The following ATRNL1 variants were observed in gnomAD, a reference collection of about 807,000 sequenced individuals.
The protein encoded by ATRNL1 is attractin like 1.
A neutral mutation model predicts 182.7 loss-of-function variants in ATRNL1; 95 were observed. The ratio of observed to expected loss-of-function variants is 0.52; its 90% CI spans 0.44 to 0.62. The LOEUF is 0.62. Ranked by LOEUF, ATRNL1 falls within the 20% of genes least tolerant of loss-of-function variation. The pLI, the probability that ATRNL1 is intolerant of heterozygous loss-of-function variation, is 0.00. For missense variants in ATRNL1, 1,471 were observed against 1,679.5 expected, an observed-to-expected ratio of 0.88 and a Z score of 2.17; for synonymous variants, 576 against 568.3, an observed-to-expected ratio of 1.01 and a Z score of -0.19.
chr10:115,318,357 G>A (rs565002010), intron 18 of ATRNL1, among the ~76,000 whole-genome samples: 1 of 151,980 alleles, frequency 6.6e-6, no homozygotes, highest in Non-Finnish European at 1.5e-5. Flanking sequence ...TTCTTTTTTT[G>A]TTGTGTCTCT....
chr10:115,675,586 G>A (rs1248050580), intron 26 of ATRNL1, among the ~76,000 whole-genome samples: 2 of 152,006 alleles, frequency 1.3e-5, no homozygotes, highest in Non-Finnish European at 2.9e-5. Flanking sequence ...CTCTAGGCAT[G>A]CTATCTTCCA....
chr10:115,283,383 C>T (rs1852462100), intron 14 of ATRNL1, among the ~76,000 whole-genome samples: 1 of 152,124 alleles, frequency 6.6e-6, no homozygotes, highest in African/African-American at 2.4e-5. Flanking sequence ...CATTGCACCC[C>T]AGCCTGGGTG....
intron 5 of ATRNL1, among the ~76,000 whole-genome samples, chr10:115,131,552 T>A (rs1256714104): frequency 6.6e-6 from 1 of 152,154 alleles, no homozygotes; most frequent in Non-Finnish European, 1.5e-5. Flanking sequence ...ATGATGTTTT[T>A]ATTTCAGATA....
chr10:115,344,389 G>GAGC (rs1348692669), intron 19 of ATRNL1, among the ~76,000 whole-genome samples: 3 of 152,144 alleles, frequency 2.0e-5, no homozygotes, highest in African/African-American at 7.2e-5. Flanking sequence ...AAAGGCAGAA[G>GAGC]AGCCTCACCT....
At chr10:115,877,757 A>G (rs1441452790) in intron 28 of ATRNL1, among the ~76,000 whole-genome samples, 1 of 152,218 alleles carries the variant, frequency 6.6e-6, no homozygotes, top group Non-Finnish European at 1.5e-5. Flanking sequence ...TATAAATCCT[A>G]TGTTAGTTTA....
intron 27 of ATRNL1, among the ~76,000 whole-genome samples, chr10:115,731,643 A>C (rs1424381981): frequency 6.7e-6 from 1 of 149,054 alleles, no homozygotes; most frequent in Non-Finnish European, 1.5e-5. Context: ...TATTATATTT[A>C]TATTTAATAT....
At chr10:115,204,910 C>T (rs140545861) in intron 8 of ATRNL1, among the ~76,000 whole-genome samples, 160 of 152,062 alleles carry the variant, frequency 1.1e-3, no homozygotes, top group Non-Finnish European at 1.9e-3. Context: ...CCTGGGCTTT[C>T]TTTGTTGGGA....
chr10:115,297,525 G>T (rs1853258814), intron 15 of ATRNL1, among the ~76,000 whole-genome samples: 1 of 151,778 alleles, frequency 6.6e-6, no homozygotes, highest in Non-Finnish European at 1.5e-5. Context: ...GGTGCCTGTA[G>T]TCCCAGCTAC....
chr10:115,892,042 C>T (rs149557270), intron 28 of ATRNL1, among the ~76,000 whole-genome samples: 2 of 152,106 alleles, frequency 1.3e-5, no homozygotes, highest in South Asian at 2.1e-4. Context: ...AAGGTGAATA[C>T]GGACAAGATT....
At chr10:115,633,380 T>G (rs947323099) in intron 26 of ATRNL1, among the ~76,000 whole-genome samples, 1 of 152,244 alleles carries the variant, frequency 6.6e-6, no homozygotes, top group African/African-American at 2.4e-5. Flanking sequence ...TTTGATTGTT[T>G]GGGACTTGTC....
intron 24 of ATRNL1, among the ~76,000 whole-genome samples, chr10:115,480,101 G>C (rs1592716625): frequency 1.3e-5 from 2 of 150,828 alleles, no homozygotes; most frequent in African/African-American, 4.9e-5. Context: ...ACTAGCATTG[G>C]TTAAGTTATA....
rs138020141 is a variant in ATRNL1, at chr10:115,630,515, T to C, written c.3795+80979T>C. 1.7e-3 allele frequency among the ~76,000 whole-genome samples: 263 copies of C among 151,892 alleles called. 2 individuals are homozygous for C. Among genetic ancestry groups the C allele is most frequent in the African/African-American group, 6.2e-3 (258 of 41,508 alleles). On this transcript the variant is annotated intron_variant, in intron 26 of 28. Coordinates refer to ENST00000355044, the MANE Select transcript of ATRNL1 (RefSeq NM_207303.4). ...TCCAACAAATCTACTTCTGGGTATA[T>C]ATTCAAAGAAATTGAAATAAGTCTC... is the stretch of plus-strand genomic sequence containing the variant.
At chr10:115,255,043 G>A (rs899155470) in intron 10 of ATRNL1, among the ~76,000 whole-genome samples, 1 of 152,156 alleles carries the variant, frequency 6.6e-6, no homozygotes, top group Admixed American at 6.5e-5. Flanking sequence ...CTGTAGCCTT[G>A]TAGTATAGTT....
intron 9 of ATRNL1, among the ~76,000 whole-genome samples, chr10:115,230,909 G>GAGAGAGAGAGAGAGAGAGAGAA (rs1849909791): frequency 1.4e-5 from 2 of 138,238 alleles, no homozygotes; most frequent in Non-Finnish European, 3.0e-5. Context: ...GAGAGAGAGA[G>GAGAGAGAGAGAGAGAGAGAGAA]AGAGAGAGAG....
At position 115,497,718 on chromosome 10, in the gene ATRNL1, C is replaced by T. The variant is rs782213258; in HGVS notation, c.3655-21545C>T. Among the ~76,000 whole-genome samples, 21 of 150,876 alleles carry T rather than the reference C, an allele frequency of 1.4e-4. 1 individual carries two copies. The highest frequency in any genetic ancestry group is 7.8e-4 in the East Asian group (4 of 5,124). On this transcript the variant is annotated intron_variant, in intron 24 of 28. Transcript: ENST00000355044. Reference sequence around the variant, plus strand: ...CTGTTGCCATGCTGGAGTGCAGTGGCGCAATCTCGGCTCACCGCAACCTCT... The same window carrying T: ...CTGTTGCCATGCTGGAGTGCAGTGGTGCAATCTCGGCTCACCGCAACCTCT...
At chr10:115,572,930 A>G (rs1410306) in intron 26 of ATRNL1, among the ~76,000 whole-genome samples, 74,402 of 151,950 alleles carry the variant, frequency 0.49, 19,359 homozygotes, top group East Asian at 0.84. Flanking sequence ...TGCAGAGGCC[A>G]GGTGAGCGCT....
rs57158754 is a variant in ATRNL1, at chr10:115,558,084, A to C, written c.3795+8548A>C. Among the ~76,000 whole-genome samples the C allele has an allele frequency of 9.8e-3, 1,486 of 151,012 alleles. 17 individuals carry two copies. Among genetic ancestry groups the C allele is most frequent in the African/African-American group, 0.034 (1,407 of 41,088 alleles). On this transcript the variant is annotated intron_variant, in intron 26 of 28. Transcript: ENST00000355044. Reference sequence around the variant, plus strand: ...AAAAAACAAAAAAAAAAAACCATTTAAAATACCTGGAAATAGTTTTAAGTG... The same window carrying C: ...AAAAAACAAAAAAAAAAAACCATTTCAAATACCTGGAAATAGTTTTAAGTG...
At chr10:115,470,364 T>C (rs1592704277) in intron 24 of ATRNL1, among the ~76,000 whole-genome samples, 2 of 150,672 alleles carry the variant, frequency 1.3e-5, no homozygotes, top group South Asian at 2.1e-4. Context: ...CTTCATTGTA[T>C]AGTGATTGAT....
chr10:115,518,284 G>A (rs1382482753), intron 24 of ATRNL1, among the ~76,000 whole-genome samples: 1 of 151,868 alleles, frequency 6.6e-6, no homozygotes. Flanking sequence ...GTTGTTTACA[G>A]CAGGAGGGAA....
Sources: allele counts gnomAD v4.1 joint callset (sites outside exome capture counted in the v4.1 genomes callset), GRCh38; gene constraint gnomAD v4.1.1; transcripts MANE v1.5; gene names NCBI Gene and HGNC (gene_info 2026-07-23, HGNC 2026-07-21).